Variants in PPFIA2 observed in about 807,000 individuals in gnomAD.
PPFIA2 encodes PPFI scaffold protein A2.
A neutral mutation model predicts 175.5 loss-of-function variants in PPFIA2; 46 were observed. That is an observed-to-expected ratio of 0.26 (90% CI 0.21 to 0.34). PPFIA2 has a LOEUF of 0.34. Among genes scored for constraint, PPFIA2 ranks in the 10% least tolerant of loss-of-function variants. PPFIA2 has a pLI of 1.00. For missense variants in PPFIA2, 1,179 were observed against 1,506.1 expected (o/e 0.78, Z 3.60); for synonymous variants, 568 against 511.4 (o/e 1.11, Z -1.49).
chr12:81,612,129 G>A (rs1283427532), intron 4 of PPFIA2, among the ~76,000 whole-genome samples: 3 of 149,670 alleles, frequency 2.0e-5, no homozygotes, highest in Non-Finnish European at 1.5e-5. Context: ...CTCTTGGTGG[G>A]AGCAGTGCTT....
At chr12:81,315,500 A>G (rs2052118760) in intron 22 of PPFIA2, among the ~76,000 whole-genome samples, 1 of 151,724 alleles carries the variant, frequency 6.6e-6, no homozygotes, top group South Asian at 2.1e-4. Flanking sequence ...GAGGTTAAAT[A>G]AAGATGATAG....
In PPFIA2 at chr12:81,496,298, G is replaced by A. The variant is rs7305591; in HGVS notation, c.304-38432C>T. 1.2e-3 allele frequency among the ~76,000 whole-genome samples: 186 copies of A among 152,058 alleles called. 2 individuals carry two copies. Among genetic ancestry groups the A allele is most frequent in the African/African-American group, 4.3e-3 (180 of 41,482 alleles). The stretch of plus-strand genomic sequence containing the variant: ...ATTATCCACAAGCAATGTGTGATCC[G>A]TGATTTAATTTTGGAGTGAATTAAC... On this transcript the variant is annotated intron_variant, in intron 4 of 32. Coordinates refer to ENST00000549396, the MANE Select transcript of PPFIA2 (RefSeq NM_003625.5).
chr12:81,334,965 T>C (rs1246934014), intron 21 of PPFIA2, among the ~76,000 whole-genome samples: 1 of 152,220 alleles, frequency 6.6e-6, no homozygotes, highest in Non-Finnish European at 1.5e-5. Context: ...CCTCTGGAAT[T>C]GCTTTGACAG....
intron 3 of PPFIA2, among the ~76,000 whole-genome samples, chr12:81,715,734 C>A (rs368495549): frequency 6.6e-6 from 1 of 151,786 alleles, no homozygotes; most frequent in South Asian, 2.1e-4. Flanking sequence ...ATAAAACAAT[C>A]GTACAATCAC....
At chr12:81,375,277 T>G (rs1021896141) in intron 10 of PPFIA2, among the ~76,000 whole-genome samples, 1 of 152,122 alleles carries the variant, frequency 6.6e-6, no homozygotes, top group Non-Finnish European at 1.5e-5. Context: ...AGACAATGAT[T>G]AAATGATTGG....
intron 15 of PPFIA2, among the ~76,000 whole-genome samples, chr12:81,360,331 C>T (rs941348675): frequency 3.3e-5 from 5 of 151,832 alleles, no homozygotes; most frequent in Non-Finnish European, 7.4e-5. Flanking sequence ...AAGCAATGAA[C>T]CCTGTAGCTT....
chr12:81,689,369 T>C (rs1441892227), intron 3 of PPFIA2, among the ~76,000 whole-genome samples: 2 of 152,040 alleles, frequency 1.3e-5, no homozygotes, highest in Non-Finnish European at 2.9e-5. Flanking sequence ...AAAGAACATA[T>C]GATTTATCTA....
chr12:81,437,211 T>C (rs1037141144), intron 7 of PPFIA2, among the ~76,000 whole-genome samples: 3 of 152,118 alleles, frequency 2.0e-5, no homozygotes, highest in Non-Finnish European at 4.4e-5. Context: ...AACTACTTAG[T>C]TGCTATTCCT....
At chr12:81,446,720 A>T (rs1022879272) in intron 5 of PPFIA2, among the ~76,000 whole-genome samples, 7 of 152,202 alleles carry the variant, frequency 4.6e-5, no homozygotes, top group Admixed American at 4.6e-4. Context: ...TTAAAAACAG[A>T]TATAAGACAC....
intron 3 of PPFIA2, among the ~76,000 whole-genome samples, chr12:81,684,924 T>C (rs1342417757): frequency 3.9e-5 from 6 of 152,050 alleles, no homozygotes; most frequent in African/African-American, 1.2e-4. Flanking sequence ...ATTAAATTCA[T>C]CCTCTGGTTA....
At chr12:81,745,098 A>G (rs564663927) in intron 3 of PPFIA2, among the ~76,000 whole-genome samples, 1 of 152,246 alleles carries the variant, frequency 6.6e-6, no homozygotes, top group Non-Finnish European at 1.5e-5. Context: ...AAAATTTCAG[A>G]CAGCCGTCCT....
intron 8 of PPFIA2, among the ~76,000 whole-genome samples, chr12:81,400,675 A>G (rs966671939): frequency 6.6e-6 from 1 of 152,214 alleles, no homozygotes; most frequent in Admixed American, 6.6e-5. Flanking sequence ...AACAGTCACG[A>G]ATAAATGTCA....
intron 7 of PPFIA2, among the ~76,000 whole-genome samples, chr12:81,431,700 C>T (rs980266610): frequency 6.6e-5 from 10 of 152,072 alleles, no homozygotes; most frequent in African/African-American, 2.4e-4. Flanking sequence ...TAAATCTATC[C>T]TTAAACACAG....
chr12:81,715,813 T>G (rs2078539113), intron 3 of PPFIA2, among the ~76,000 whole-genome samples: 1 of 151,758 alleles, frequency 6.6e-6, no homozygotes, highest in South Asian at 2.1e-4. Context: ...TCATATTATC[T>G]TGTCTTTTTT....
intron 4 of PPFIA2, among the ~76,000 whole-genome samples, chr12:81,618,668 A>G (rs1376068081): frequency 6.6e-6 from 1 of 151,772 alleles, no homozygotes; most frequent in East Asian, 1.9e-4. Flanking sequence ...GGCTGGGACT[A>G]CAGGCACCAG....
chr12:81,503,235 T>C (rs1671164056), intron 4 of PPFIA2, among the ~76,000 whole-genome samples: 1 of 152,268 alleles, frequency 6.6e-6, no homozygotes, highest in East Asian at 1.9e-4. Context: ...TTTATTTTTA[T>C]TTTTATTTTT....
At chr12:81,709,534 A>G (rs1289354524) in intron 3 of PPFIA2, among the ~76,000 whole-genome samples, 1 of 151,996 alleles carries the variant, frequency 6.6e-6, no homozygotes, top group Non-Finnish European at 1.5e-5. Flanking sequence ...ACACACACAC[A>G]TAGACTCACA....
chr12:81,380,717 G>A (rs1029946984), intron 9 of PPFIA2, among the ~76,000 whole-genome samples: 4 of 152,116 alleles, frequency 2.6e-5, no homozygotes, highest in Non-Finnish European at 1.5e-5. Context: ...CTGCCGAGGA[G>A]GGAACTGCAT....
intron 4 of PPFIA2, among the ~76,000 whole-genome samples, chr12:81,578,102 T>C (rs2073865454): frequency 6.6e-6 from 1 of 151,738 alleles, no homozygotes; most frequent in Non-Finnish European, 1.5e-5. Flanking sequence ...AGTGACTTTC[T>C]ATGTGGGCAT....
Sources: allele counts gnomAD v4.1 joint callset (sites outside exome capture counted in the v4.1 genomes callset), GRCh38; gene constraint gnomAD v4.1.1; transcripts MANE v1.5; gene names NCBI Gene and HGNC (gene_info 2026-07-23, HGNC 2026-07-21).